DCC: variants seen among roughly 807,000 people sequenced by gnomAD.
DCC encodes the protein netrin receptor DCC.
In DCC, 58 loss-of-function variants were observed where a neutral mutation model predicts 172.5. The ratio of observed to expected loss-of-function variants is 0.34; its 90% confidence interval spans 0.27 to 0.42. The LOEUF (loss-of-function observed/expected upper bound fraction) is 0.42. Ranked by LOEUF, DCC falls within the 10% of genes least tolerant of loss-of-function variation. The pLI is 1.00. For synonymous variants in DCC, 709 were observed against 644.5 expected, an observed-to-expected ratio of 1.10 and a Z score of -1.52; for missense variants, 1,740 against 1,791.0, an observed-to-expected ratio of 0.97 and a Z score of 0.51.
At chr18:53,224,157 G>C (rs2055986412) in intron 12 of DCC, among the ~76,000 whole-genome samples, 1 of 152,116 alleles carries the variant, frequency 6.6e-6, no homozygotes, top group Non-Finnish European at 1.5e-5. Flanking sequence ...AGAAAATCAA[G>C]AACAGTCATG....
At position 53,179,064 on chromosome 18, in the gene DCC, A is replaced by G. The variant is rs770644968; in HGVS notation, c.1521A>G (p.Glu507=). The change falls in exon 9 of 29, where the codon GAA becomes GAG. Residue 507 remains glutamate, a synonymous_variant. Transcript: ENST00000442544. The part of the protein sequence containing the change: ...MYTFRVVAYN[E]WGPGESSQPI... ...CCTTTCGAGTTGTGGCTTACAATGA[A>G]TGGGGACCGGGAGAGAGTTCTCAAC... 247 of 1,613,922 alleles carry G rather than the reference A, an allele frequency of 1.5e-4. No homozygotes were observed. The highest frequency in any genetic ancestry group is 1.9e-4 in the Non-Finnish European group (223 of 1,179,960).
Position 52,984,492 on chromosome 18 carries a change from G to T in DCC, c.985+59122G>T, listed in dbSNP as rs531557261. Among the ~76,000 whole-genome samples, 89 of 152,110 alleles carry T rather than the reference G, an allele frequency of 5.9e-4. 1 individual carries two copies. The highest frequency in any genetic ancestry group is 2.9e-3 in the South Asian group (14 of 4,816). ...AAGGGAAAAATAATAAACATAAAAA[G>T]TGTATCATGATAATGGCTTTTAAAA... On this transcript the variant is annotated intron_variant, in intron 5 of 28. Coordinates refer to ENST00000442544, the MANE Select transcript of DCC (RefSeq NM_005215.4).
At chr18:53,287,972 C>T (rs1223520848) in intron 12 of DCC, among the ~76,000 whole-genome samples, 3 of 152,042 alleles carry the variant, frequency 2.0e-5, no homozygotes, top group Non-Finnish European at 4.4e-5. Flanking sequence ...TTTATTGGTT[C>T]TTTGAGCATG....
intron 1 of DCC, among the ~76,000 whole-genome samples, chr18:52,643,095 T>C (rs1029689946): frequency 2.0e-5 from 3 of 152,124 alleles, no homozygotes; most frequent in African/African-American, 7.2e-5. Flanking sequence ...GAAACTTTAA[T>C]GCCAAGAGAA....
intron 8 of DCC, among the ~76,000 whole-genome samples, chr18:53,158,523 T>C (rs1054972004): frequency 6.6e-6 from 1 of 152,278 alleles, no homozygotes; most frequent in East Asian, 1.9e-4. Context: ...GACATATACA[T>C]TGGATAAACC....
At chr18:53,120,856 A>G (rs888300471) in intron 7 of DCC, among the ~76,000 whole-genome samples, 2 of 151,902 alleles carry the variant, frequency 1.3e-5, no homozygotes, top group Admixed American at 1.3e-4. Flanking sequence ...AGAAAATCAT[A>G]TTTAAATTAA....
chr18:52,697,414 C>A (rs908612741), intron 1 of DCC, among the ~76,000 whole-genome samples: 5 of 152,120 alleles, frequency 3.3e-5, no homozygotes, highest in Admixed American at 1.3e-4. Flanking sequence ...ATTGAAGGAC[C>A]CTAGAGGTCT....
intron 2 of DCC, among the ~76,000 whole-genome samples, chr18:52,757,784 A>T (rs533504700): frequency 6.6e-6 from 1 of 152,166 alleles, no homozygotes; most frequent in Non-Finnish European, 1.5e-5. Flanking sequence ...ATTACCTTGT[A>T]ATGCTCAGAA....
intron 1 of DCC, among the ~76,000 whole-genome samples, chr18:52,611,130 T>C (rs1598955825): frequency 6.6e-6 from 1 of 152,138 alleles, no homozygotes; most frequent in African/African-American, 2.4e-5. Flanking sequence ...AAACCTTCAG[T>C]GACCCCCCCC....
chr18:53,052,602 G>A (rs188149711), intron 5 of DCC, among the ~76,000 whole-genome samples: 33 of 152,098 alleles, frequency 2.2e-4, no homozygotes, highest in African/African-American at 3.4e-4. Context: ...GATGTTTCAC[G>A]TTTTGTGTAC....
intron 1 of DCC, among the ~76,000 whole-genome samples, chr18:52,650,073 G>C (rs1429451926): frequency 2.0e-5 from 3 of 150,026 alleles, no homozygotes; most frequent in African/African-American, 7.4e-5. Context: ...CTGCCTCCTG[G>C]GTTCAAGCAA....
intron 9 of DCC, among the ~76,000 whole-genome samples, chr18:53,204,550 A>G (rs1252611482): frequency 2.1e-4 from 9 of 43,088 alleles, no homozygotes; most frequent in South Asian, 4.1e-4. Flanking sequence ...CTGTTTCTGG[A>G]AAAAAAAAAA....
At chr18:52,367,378 C>T (rs998703944) in intron 1 of DCC, among the ~76,000 whole-genome samples, 1 of 152,198 alleles carries the variant, frequency 6.6e-6, no homozygotes, top group Non-Finnish European at 1.5e-5. Context: ...TGAAGGGCTC[C>T]TCAAATGCCG....
chr18:52,577,269 A>G (rs2033437498), intron 1 of DCC, among the ~76,000 whole-genome samples: 1 of 152,254 alleles, frequency 6.6e-6, no homozygotes, highest in Admixed American at 6.5e-5. Context: ...TGGAAGGGTA[A>G]TGATATCTCT....
intron 1 of DCC, among the ~76,000 whole-genome samples, chr18:52,672,102 C>T (rs1473762902): frequency 4.6e-5 from 7 of 151,852 alleles, no homozygotes; most frequent in African/African-American, 1.7e-4. Flanking sequence ...CCTCTATGTA[C>T]AAAAACAAAA....
chr18:53,141,415 A>G (rs2043828356), intron 7 of DCC, among the ~76,000 whole-genome samples: 1 of 152,202 alleles, frequency 6.6e-6, no homozygotes, highest in Non-Finnish European at 1.5e-5. Flanking sequence ...GTTAATAGTC[A>G]AAGATGGGGA....
intron 9 of DCC, among the ~76,000 whole-genome samples, chr18:53,190,355 A>G (rs2055347646): frequency 6.6e-6 from 1 of 152,116 alleles, no homozygotes; most frequent in Non-Finnish European, 1.5e-5. Context: ...TTCTGGCCCA[A>G]CCCAACTCCT....
At chr18:52,763,247 A>G (rs1399686941) in intron 2 of DCC, among the ~76,000 whole-genome samples, 1 of 152,246 alleles carries the variant, frequency 6.6e-6, no homozygotes, top group African/African-American at 2.4e-5. Flanking sequence ...CCTATTTAAG[A>G]AAGTATGTTA....
chr18:52,375,986 A>G (rs1466789972), intron 1 of DCC, among the ~76,000 whole-genome samples: 5 of 152,318 alleles, frequency 3.3e-5, no homozygotes, highest in East Asian at 3.9e-4. Flanking sequence ...AGAAGTAATC[A>G]GTGAGAAAAC....
Sources: gnomAD v4.1 joint callset for allele counts (sites outside exome capture counted in the v4.1 genomes callset) on GRCh38, gnomAD v4.1.1 for gene constraint, MANE v1.5 for transcripts, NCBI Gene and HGNC (gene_info 2026-07-23, HGNC 2026-07-21) for gene names.